Variants in FTO observed in about 807,000 individuals in gnomAD.
FTO encodes FTO alpha-ketoglutarate dependent dioxygenase.
In FTO, 47 loss-of-function variants were observed where a neutral mutation model predicts 63.9. The ratio of observed to expected loss-of-function variants is 0.74; its 90% CI spans 0.58 to 0.94. The LOEUF (loss-of-function observed/expected upper bound fraction) is 0.94, where lower values mean the gene tolerates loss of function less well. Ranked by LOEUF, FTO falls within the 40% of genes least tolerant of loss-of-function variation. The probability of loss-of-function intolerance (pLI) is 0.00; values close to 1 mark genes in which losing one functional copy is unlikely to be tolerated. For synonymous variants in FTO, 207 were observed against 224.4 expected (o/e 0.92, Z 0.69); for missense variants, 562 against 618.1 (o/e 0.91, Z 0.96).
intron 8 of FTO, among the ~76,000 whole-genome samples, chr16:54,011,253 A>G (rs1162908746): frequency 6.6e-6 from 1 of 152,340 alleles, no homozygotes; most frequent in East Asian, 1.9e-4. Flanking sequence ...ACAAAAAGCT[A>G]TGGAGATTCT....
chr16:53,728,505 A>G (rs576944280), intron 1 of FTO, among the ~76,000 whole-genome samples: 37 of 152,302 alleles, frequency 2.4e-4, no homozygotes, highest in African/African-American at 8.7e-4. Flanking sequence ...AAGTTCTAGG[A>G]TACAGCCATG....
intron 8 of FTO, among the ~76,000 whole-genome samples, chr16:54,095,433 A>C (rs1599359224): frequency 6.8e-6 from 1 of 146,784 alleles, no homozygotes; most frequent in Non-Finnish European, 1.5e-5. Context: ...CAGCCTCTCT[A>C]TTCACTCTTT....
chr16:54,099,905 G>A (rs1420098142), intron 8 of FTO, among the ~76,000 whole-genome samples: 2 of 152,174 alleles, frequency 1.3e-5, no homozygotes, highest in Admixed American at 6.5e-5. Flanking sequence ...CCTCTGAAAT[G>A]GAGCTGAATT....
At chr16:53,892,097 A>G (rs1386394392) in intron 7 of FTO, among the ~76,000 whole-genome samples, 1 of 152,092 alleles carries the variant, frequency 6.6e-6, no homozygotes, top group Non-Finnish European at 1.5e-5. Flanking sequence ...TCTTTTTTCT[A>G]TTGGACAAGA....
intron 8 of FTO, among the ~76,000 whole-genome samples, chr16:54,039,110 G>T (rs969756168): frequency 2.2e-4 from 34 of 152,176 alleles, no homozygotes; most frequent in African/African-American, 8.2e-4. Context: ...AGGAGAATGA[G>T]AATTTCAGGG....
In FTO at chr16:54,068,374, A is replaced by C. The variant is rs192233638; in HGVS notation, c.1365-43388A>C. On this transcript the variant is annotated intron_variant, in intron 8 of 8. Transcript: ENST00000471389. ...CCCTGAGCTCGCCCAGCCTCTGTCA[A>C]CCTGAAAGCCAGAAGGGCAAAGTCT... is the stretch of plus-strand genomic sequence containing the variant. Among the ~76,000 whole-genome samples the C allele has an allele frequency of 5.8e-3, 883 of 152,266 alleles. 10 individuals carry two copies. Among genetic ancestry groups the C allele is most frequent in the African/African-American group, 0.02 (851 of 41,554 alleles).
intron 8 of FTO, among the ~76,000 whole-genome samples, chr16:53,955,111 C>T (rs1268980950): frequency 6.6e-6 from 1 of 152,096 alleles, no homozygotes; most frequent in Admixed American, 6.5e-5. Flanking sequence ...AGCATTAGTG[C>T]CATTGGAGTC....
intron 8 of FTO, among the ~76,000 whole-genome samples, chr16:53,963,610 G>A (rs146003336): frequency 9.2e-5 from 14 of 152,196 alleles, no homozygotes; most frequent in Non-Finnish European, 2.1e-4. Context: ...CCTCTGCCCC[G>A]ACCCTTGCTC....
chr16:53,821,037 T>A (rs896473420), intron 2 of FTO, among the ~76,000 whole-genome samples: 1 of 152,162 alleles, frequency 6.6e-6, no homozygotes, highest in African/African-American at 2.4e-5. Flanking sequence ...ATTTATGTGG[T>A]TATATGTTTT....
chr16:53,755,525 A>G (rs1033381215), intron 1 of FTO, among the ~76,000 whole-genome samples: 7 of 152,146 alleles, frequency 4.6e-5, no homozygotes, highest in Admixed American at 2.6e-4. Context: ...GAAGTTTCTT[A>G]TTTTGAAGAC....
At chr16:53,816,257 C>T (rs1291377427) in intron 2 of FTO, among the ~76,000 whole-genome samples, 1 of 152,164 alleles carries the variant, frequency 6.6e-6, no homozygotes, top group Non-Finnish European at 1.5e-5. Flanking sequence ...ACACCGTGGC[C>T]AAAACTGCCA....
intron 8 of FTO, among the ~76,000 whole-genome samples, chr16:54,066,824 G>A (rs1350440465): frequency 6.6e-6 from 1 of 152,208 alleles, no homozygotes; most frequent in African/African-American, 2.4e-5. Flanking sequence ...AACATTGAAG[G>A]CACAATACTG....
intron 8 of FTO, among the ~76,000 whole-genome samples, chr16:53,946,959 G>T (rs1009992406): frequency 1.3e-5 from 2 of 152,190 alleles, no homozygotes; most frequent in Non-Finnish European, 2.9e-5. Context: ...TACCCTCCCA[G>T]TGTTAATTAT....
At chr16:53,787,195 G>A (rs1453315048) in intron 1 of FTO, among the ~76,000 whole-genome samples, 1 of 149,096 alleles carries the variant, frequency 6.7e-6, no homozygotes, top group Admixed American at 6.7e-5. Flanking sequence ...CAATTTCTAG[G>A]GCAGCAGCGT....
intron 8 of FTO, among the ~76,000 whole-genome samples, chr16:54,090,488 T>A (rs916459313): frequency 1.3e-5 from 2 of 152,158 alleles, no homozygotes; most frequent in Non-Finnish European, 2.9e-5. Flanking sequence ...TAAGTGTAAA[T>A]GTGATAATTC....
intron 1 of FTO, among the ~76,000 whole-genome samples, chr16:53,804,423 T>G (rs908621600): frequency 1.3e-5 from 2 of 152,162 alleles, no homozygotes; most frequent in Admixed American, 6.5e-5. Flanking sequence ...ATCGAGGAAG[T>G]GAAAGAGTCT....
intron 1 of FTO, among the ~76,000 whole-genome samples, chr16:53,726,922 T>C (rs1034918058): frequency 5.9e-5 from 9 of 152,206 alleles, no homozygotes; most frequent in Non-Finnish European, 1.2e-4. Flanking sequence ...TTGGTTTCCA[T>C]CAAGGTTTGA....
intron 8 of FTO, among the ~76,000 whole-genome samples, chr16:53,994,822 C>T (rs1206468383): frequency 3.3e-5 from 5 of 151,904 alleles, no homozygotes; most frequent in African/African-American, 1.2e-4. Flanking sequence ...CAATTTCCGT[C>T]TCCCAGGTTC....
At chr16:53,894,954 G>T (rs762685886) in intron 7 of FTO, among the ~76,000 whole-genome samples, 1 of 152,066 alleles carries the variant, frequency 6.6e-6, no homozygotes. Flanking sequence ...GGACCTTTAC[G>T]TTTAGCTTTG....
Sources: gnomAD v4.1 joint callset for allele counts (sites outside exome capture counted in the v4.1 genomes callset) on GRCh38, gnomAD v4.1.1 for gene constraint, MANE v1.5 for transcripts, NCBI Gene and HGNC (gene_info 2026-07-23, HGNC 2026-07-21) for gene names.